The following NDUFAF7 variants were observed in gnomAD, a reference collection of about 807,000 sequenced individuals.
NDUFAF7 encodes the protein NADH:ubiquinone oxidoreductase complex assembly factor 7, also known as protein arginine methyltransferase NDUFAF7, mitochondrial.
Under a neutral mutation model 47.2 loss-of-function variants are expected in NDUFAF7, and 48 were observed. That is an observed-to-expected ratio of 1.02 (90% confidence interval 0.81 to 1.29). The LOEUF is 1.29. Among genes scored for constraint, NDUFAF7 ranks in the 50% most tolerant of loss-of-function variants. The pLI is 0.00. For synonymous variants in NDUFAF7, 217 were observed against 190.0 expected (o/e 1.14, Z -1.17); for missense variants, 635 against 537.6 (o/e 1.18, Z -1.79).
chr2:37,243,993 A>C lies in NDUFAF7; in HGVS notation c.792+20A>C. The C allele has an allele frequency of 2.6e-6, 4 of 1,549,394 alleles. No homozygotes were observed. Among genetic ancestry groups the C allele is most frequent in the Non-Finnish European group, 2.7e-6 (3 of 1,124,314 alleles). ...ATACAAGTAAGAATATGCTTTTTTA[A>C]GTTTCTTTTATTGCTCACAGAATCT... is the stretch of plus-strand genomic sequence containing the variant. On this transcript the variant is annotated intron_variant, in intron 7 of 9. Coordinates refer to ENST00000002125, the MANE Select transcript of NDUFAF7 (RefSeq NM_144736.5).
At chr2:37,249,437 TGTG>T (rs891556433), downstream of NDUFAF7, among the ~76,000 whole-genome samples, 1 of 151,990 alleles carries the variant, frequency 6.6e-6, no homozygotes, top group African/African-American at 2.4e-5. Context: ...ATTAGCCTGG[TGTG>T]GTGGTGGGCG....
the NDUFAF7 span, among the ~76,000 whole-genome samples, chr2:37,258,920 T>G: frequency 6.6e-6 from 1 of 152,312 alleles, no homozygotes; most frequent in East Asian, 1.9e-4. Context: ...GGAATCATCC[T>G]TGCCAATTAT....
At position 37,231,850 on chromosome 2, in the gene NDUFAF7, A is replaced by G. The variant is rs1336183467; in HGVS notation, c.55+90A>G. The G allele has an allele frequency of 2.5e-6, 4 of 1,593,654 alleles. No homozygotes were observed. In the African/African-American group the frequency reaches 5.4e-5, roughly 21 times the overall value. ...TTCAGTTGAGGGTACCGGGGGATCA[A>G]GGGCTCGGGGGCTCACTTCCACCTT... On this transcript the variant is annotated intron_variant, in intron 1 of 9. Coordinates refer to ENST00000002125, the MANE Select transcript of NDUFAF7 (RefSeq NM_144736.5).
At chr2:37,242,761 G>A (rs1206087606) in intron 6 of NDUFAF7, 68 bp downstream of exon 6, 1 of 1,240,112 alleles carries the variant, frequency 8.1e-7, no homozygotes, top group Non-Finnish European at 1.2e-6. Flanking sequence ...CAATGTTTAT[G>A]GTATTTATTC....
chr2:37,238,415 C>T (rs1051103595), intron 4 of NDUFAF7, among the ~76,000 whole-genome samples: 1 of 151,444 alleles, frequency 6.6e-6, no homozygotes, highest in Non-Finnish European at 1.5e-5. Context: ...TGCGCCATTG[C>T]ACTCCAGCCT....
chr2:37,254,570 C>CTA (rs1667784410), downstream of NDUFAF7, among the ~76,000 whole-genome samples: 1 of 152,086 alleles, frequency 6.6e-6, no homozygotes, highest in South Asian at 2.1e-4. Flanking sequence ...GTTCTGCCAC[C>CTA]TACTAGCTGT....
chr2:37,231,833 A>G (rs952788480), intron 1 of NDUFAF7, 73 bp downstream of exon 1: 2 of 1,604,928 alleles, frequency 1.2e-6, no homozygotes, highest in Non-Finnish European at 1.7e-6. Flanking sequence ...TCTTCAGTTG[A>G]GGGTACCGGG....
At chr2:37,253,600 T>A (rs967909155), downstream of NDUFAF7, among the ~76,000 whole-genome samples, 1 of 152,208 alleles carries the variant, frequency 6.6e-6, no homozygotes. Flanking sequence ...AAAAATTTGC[T>A]TCAGGCTTCT....
downstream of NDUFAF7, among the ~76,000 whole-genome samples, chr2:37,255,754 C>T (rs1334579772): frequency 6.6e-6 from 1 of 152,090 alleles, no homozygotes; most frequent in Non-Finnish European, 1.5e-5. Context: ...GCCTGTAATC[C>T]CAGCACTTTG....
intron 3 of NDUFAF7, among the ~76,000 whole-genome samples, chr2:37,236,499 A>G (rs13409250): frequency 0.64 from 96,623 of 151,872 alleles, 31,571 homozygotes; most frequent in East Asian, 0.98. Flanking sequence ...AGAAGGGGCC[A>G]GGCGTAGTGG....
rs1666848229 is a variant in NDUFAF7, at chr2:37,245,900, A to G, written c.793-152A>G. 3.9e-6 allele frequency: 3 copies of G among 775,360 alleles called. No individual in the cohort carries two copies. In the South Asian group the frequency reaches 5.5e-5, roughly 14 times the overall value. The allele number at this position is 775,360 out of a possible 1,614,324, so 48.0% of individuals were successfully genotyped here. ...AGTTTTGTATAATAAAAAGGGAGTC[A>G]GGTGAAAAGTTGAGTGTAGAGAACA... On this transcript the variant is annotated intron_variant, in intron 7 of 9. Transcript: ENST00000002125.
downstream of NDUFAF7, among the ~76,000 whole-genome samples, chr2:37,256,153 A>C (rs1238969288): frequency 6.6e-6 from 1 of 152,260 alleles, no homozygotes; most frequent in Non-Finnish European, 1.5e-5. Context: ...GATTGTAGAC[A>C]AGGGAAAAAC....
chr2:37,244,101 T>C, intron 7 of NDUFAF7, 128 bp downstream of exon 7: 1 of 787,156 alleles, frequency 1.3e-6, no homozygotes. Flanking sequence ...ACGAGGTGCT[T>C]TTTATTGACA....
Position 37,231,821 on chromosome 2 carries a change from G to C in NDUFAF7, c.55+61G>C. 5 of 1,609,526 alleles carry C rather than the reference G, an allele frequency of 3.1e-6. No individual in the cohort carries two copies. The South Asian group carries it at 3.3e-5, about 11-fold the overall frequency. On this transcript the variant is annotated intron_variant, in intron 1 of 9. Transcript: ENST00000002125. The stretch of plus-strand genomic sequence containing the variant: ...GAAGCCGCGTGGGGCGCCTTCCTCA[G>C]CTCTTCAGTTGAGGGTACCGGGGGA...
chr2:37,248,389 G>A lies in NDUFAF7; in HGVS notation c.*39G>A. The A allele has an allele frequency of 1.3e-6, 2 of 1,566,774 alleles. No individual in the cohort carries two copies. Among genetic ancestry groups the A allele is most frequent in the Non-Finnish European group, 1.8e-6 (2 of 1,137,316 alleles). ...ACATTTTACCCTTCAGTCGGCCCAA[G>A]AAATCAAAATAAAGGAAACACATTT... On this transcript the variant is annotated 3_prime_UTR_variant, in exon 10 of 10. Transcript: ENST00000002125.
At chr2:37,262,489 A>G in the NDUFAF7 span, among the ~76,000 whole-genome samples, 1 of 152,234 alleles carries the variant, frequency 6.6e-6, no homozygotes, top group Non-Finnish European at 1.5e-5. Flanking sequence ...CCATTTTATG[A>G]GATCGTTTTC....
downstream of NDUFAF7, chr2:37,254,069 C>G (rs150457435): frequency 7.7e-6 from 5 of 649,400 alleles, no homozygotes; most frequent in Middle Eastern, 4.2e-4. Flanking sequence ...TCCAGAGATT[C>G]AGCCATAGTA....
chr2:37,255,342 T>C (rs1374058135), downstream of NDUFAF7, among the ~76,000 whole-genome samples: 1 of 152,238 alleles, frequency 6.6e-6, no homozygotes, highest in African/African-American at 2.4e-5. Context: ...TTACATGGGC[T>C]GGTTAAATCC....
the NDUFAF7 span, chr2:37,260,198 T>A: frequency 2.5e-5 from 30 of 1,186,420 alleles, no homozygotes; most frequent in Admixed American, 4.9e-5. Flanking sequence ...ATCGCTAGTT[T>A]AAAAAAAAAA....
Sources: gnomAD v4.1 joint callset for allele counts (sites outside exome capture counted in the v4.1 genomes callset) on GRCh38, gnomAD v4.1.1 for gene constraint, MANE v1.5 for transcripts, NCBI Gene and HGNC (gene_info 2026-07-23, HGNC 2026-07-21) for gene names.